CFDP1: variants seen among roughly 807,000 people sequenced by gnomAD.
CFDP1 encodes heterochromatin-stabilizing protein CFDP1.
A neutral mutation model predicts 40.1 loss-of-function variants in CFDP1; 31 were observed. That is an observed-to-expected ratio of 0.77 (90% CI 0.58 to 1.04). The LOEUF is 1.04. Ranked by LOEUF, CFDP1 falls within the 50% of genes least tolerant of loss-of-function variation. The pLI is 0.00. For missense variants in CFDP1, 423 were observed against 343.4 expected (o/e 1.23, Z -1.83); for synonymous variants, 167 against 120.0 (o/e 1.39, Z -2.56).
chr16:75,355,717 C>G (rs1469619066), intron 5 of CFDP1, among the ~76,000 whole-genome samples: 1 of 152,120 alleles, frequency 6.6e-6, no homozygotes, highest in Non-Finnish European at 1.5e-5. Flanking sequence ...ATGAGTGAGT[C>G]TCCTGAGATC....
chr16:75,325,663 G>A (rs2078396238), intron 5 of CFDP1, among the ~76,000 whole-genome samples: 1 of 152,192 alleles, frequency 6.6e-6, no homozygotes, highest in Admixed American at 6.5e-5. Flanking sequence ...CACCCGGCAG[G>A]GTGCCTGGCA....
At chr16:75,380,946 T>C (rs1041167287) in intron 5 of CFDP1, among the ~76,000 whole-genome samples, 1 of 152,180 alleles carries the variant, frequency 6.6e-6, no homozygotes, top group Non-Finnish European at 1.5e-5. Context: ...CAGTAGCAGT[T>C]CAATAAACTA....
At chr16:75,296,744 T>A (rs1028916317) in intron 6 of CFDP1, among the ~76,000 whole-genome samples, 2 of 152,140 alleles carry the variant, frequency 1.3e-5, no homozygotes, top group African/African-American at 4.8e-5. Context: ...ATGTGCAGGA[T>A]GCAACTGAAT....
intron 5 of CFDP1, among the ~76,000 whole-genome samples, chr16:75,390,464 G>A (rs1333779146): frequency 6.6e-6 from 1 of 152,178 alleles, no homozygotes. Flanking sequence ...TCTCCTTGAT[G>A]TCTCCTCTTA....
intron 5 of CFDP1, among the ~76,000 whole-genome samples, chr16:75,326,931 C>G (rs1029128568): frequency 1.6e-4 from 25 of 152,138 alleles, no homozygotes; most frequent in African/African-American, 6.0e-4. Flanking sequence ...AAATTTAGCT[C>G]CCATAAACCT....
At chr16:75,340,725 C>G (rs1270489963) in intron 5 of CFDP1, among the ~76,000 whole-genome samples, 2 of 152,194 alleles carry the variant, frequency 1.3e-5, no homozygotes, top group African/African-American at 4.8e-5. Flanking sequence ...GTCACAGATT[C>G]TTTTCTGTCT....
At position 75,305,037 on chromosome 16, in the gene CFDP1, G is replaced by C. The variant is rs1370071201; in HGVS notation, c.796C>G (p.Arg266Gly). 6.2e-7 allele frequency: 1 copy of C among 1,613,850 alleles called. No homozygotes were observed. Among genetic ancestry groups the C allele is most frequent in the Non-Finnish European group, 8.5e-7 (1 of 1,179,926 alleles). Residue 266 changes from arginine (R) to glycine (G), a missense_variant, in exon 6 of 7, where the codon CGA becomes GGA. Arg to Gly is a moderately radical substitution (Grantham distance 125). Transcript: ENST00000283882. ...ACTCCTTCTTACCCCTCTTTCCCTC[G>C]ATTATGGATGGCCAGTTCTTCACCA... The part of the protein sequence containing the change: ...GIGEELAIHN[R>G]GKEGYIERKA...
chr16:75,359,293 T>A (rs1279239716), intron 5 of CFDP1, among the ~76,000 whole-genome samples: 1 of 151,868 alleles, frequency 6.6e-6, no homozygotes, highest in African/African-American at 2.4e-5. Context: ...CGTAAAGAGG[T>A]CCTGAGAACA....
chr16:75,431,387 G>C (rs1399814416), intron 1 of CFDP1, among the ~76,000 whole-genome samples: 3 of 133,524 alleles, frequency 2.2e-5, no homozygotes, highest in African/African-American at 8.4e-5. Context: ...CCGGGAGGCA[G>C]AGCTTGCAGT....
chr16:75,364,702 C>T (rs2078702095), intron 5 of CFDP1, among the ~76,000 whole-genome samples: 1 of 152,148 alleles, frequency 6.6e-6, no homozygotes, highest in South Asian at 2.1e-4. Context: ...TTATTTTTCA[C>T]AAAAATATGC....
intron 1 of CFDP1, among the ~76,000 whole-genome samples, chr16:75,426,228 C>T (rs1426669089): frequency 6.7e-6 from 1 of 149,456 alleles, no homozygotes; most frequent in Admixed American, 6.7e-5. Flanking sequence ...CACATGCCTG[C>T]AATCCCAGCT....
chr16:75,342,084 G>A (rs1183379145), intron 5 of CFDP1, among the ~76,000 whole-genome samples: 1 of 152,118 alleles, frequency 6.6e-6, no homozygotes, highest in Non-Finnish European at 1.5e-5. Context: ...GAATATCACA[G>A]GCCACACCAA....
At chr16:75,312,816 C>T (rs940118275) in intron 5 of CFDP1, among the ~76,000 whole-genome samples, 1 of 152,168 alleles carries the variant, frequency 6.6e-6, no homozygotes, top group Admixed American at 6.5e-5. Context: ...ACACCACCAT[C>T]CATTTGTAAT....
chr16:75,384,075 A>C (rs2151551760), intron 5 of CFDP1, among the ~76,000 whole-genome samples: 1 of 152,286 alleles, frequency 6.6e-6, no homozygotes, highest in South Asian at 2.1e-4. Flanking sequence ...AAAGAGGAAA[A>C]ATTTTGGCTG....
intron 5 of CFDP1, among the ~76,000 whole-genome samples, chr16:75,361,787 T>C (rs2078681112): frequency 6.6e-6 from 1 of 152,182 alleles, no homozygotes; most frequent in Admixed American, 6.5e-5. Context: ...CACATGAACA[T>C]GTTCTCTCCT....
At chr16:75,392,059 A>T (rs2078956871) in intron 5 of CFDP1, among the ~76,000 whole-genome samples, 1 of 152,150 alleles carries the variant, frequency 6.6e-6, no homozygotes, top group Non-Finnish European at 1.5e-5. Context: ...AGCCAAAAAC[A>T]TGTTGTTTCA....
At chr16:75,414,088 C>T (rs2079184525) in intron 2 of CFDP1, among the ~76,000 whole-genome samples, 1 of 152,020 alleles carries the variant, frequency 6.6e-6, no homozygotes, top group Non-Finnish European at 1.5e-5. Context: ...TAAAGTAAGG[C>T]CTATTCACAT....
At chr16:75,404,210 T>C (rs1467727096) in intron 4 of CFDP1, among the ~76,000 whole-genome samples, 2 of 151,522 alleles carry the variant, frequency 1.3e-5, no homozygotes, top group Non-Finnish European at 2.9e-5. Flanking sequence ...TGCCTTACAA[T>C]GAAGAATTCT....
At chr16:75,353,720 G>A (rs1047846713) in intron 5 of CFDP1, among the ~76,000 whole-genome samples, 6 of 117,590 alleles carry the variant, frequency 5.1e-5, no homozygotes, top group South Asian at 5.5e-4. Context: ...CTGCACTCCA[G>A]CCTGGGCGAC....
Sources: gnomAD v4.1 joint callset for allele counts (sites outside exome capture counted in the v4.1 genomes callset) on GRCh38, gnomAD v4.1.1 for gene constraint, MANE v1.5 for transcripts, NCBI Gene and HGNC (gene_info 2026-07-23, HGNC 2026-07-21) for gene names.